SV2C: variants seen among roughly 807,000 people sequenced by gnomAD.
SV2C encodes the protein synaptic vesicle glycoprotein 2C, also known as solute carrier family 22 member B3.
A neutral mutation model predicts 79.7 loss-of-function variants in SV2C; 49 were observed. The observed-to-expected ratio is 0.61, with a 90% CI of 0.49 to 0.78. SV2C has a LOEUF of 0.78. SV2C is among the 30% of genes least tolerant of loss of function. SV2C has a pLI of 0.00. For synonymous variants in SV2C, 334 were observed against 333.2 expected (o/e 1.00, Z -0.03); for missense variants, 833 against 912.9 (o/e 0.91, Z 1.13).
chr5:75,952,916 C>T, the SV2C span, among the ~76,000 whole-genome samples: 3 of 152,010 alleles, frequency 2.0e-5, no homozygotes, highest in South Asian at 6.2e-4. Flanking sequence ...ACTTCTCCCT[C>T]CTAAGATCCA....
intron 4 of SV2C, among the ~76,000 whole-genome samples, chr5:76,233,564 T>G (rs1745507320): frequency 6.8e-6 from 1 of 147,734 alleles, no homozygotes; most frequent in African/African-American, 2.7e-5. Context: ...CAGTATGATA[T>G]TTGCTGTGGG....
chr5:75,939,844 C>T, the SV2C span, among the ~76,000 whole-genome samples: 1 of 152,160 alleles, frequency 6.6e-6, no homozygotes, highest in African/African-American at 2.4e-5. Context: ...CCTGTTCCTT[C>T]TACCTAGAAC....
At chr5:76,341,127 C>T (rs1397403678) in intron 12 of SV2C, among the ~76,000 whole-genome samples, 1 of 152,074 alleles carries the variant, frequency 6.6e-6, no homozygotes, top group Non-Finnish European at 1.5e-5. Flanking sequence ...GACGGGTTTT[C>T]ACCATGTTGG....
chr5:75,969,393 G>C, the SV2C span, among the ~76,000 whole-genome samples: 2 of 152,164 alleles, frequency 1.3e-5, no homozygotes, highest in African/African-American at 4.8e-5. Context: ...ATTGGATAGA[G>C]TCAAGACCCA....
intron 10 of SV2C, 45 bp from the exon 11 acceptor site, chr5:76,300,684 G>A: frequency 6.3e-7 from 1 of 1,585,954 alleles, no homozygotes; most frequent in Non-Finnish European, 8.7e-7. Context: ...ACTGGTGCAT[G>A]CCTGGTAAGA....
At chr5:75,993,707 G>A in the SV2C span, among the ~76,000 whole-genome samples, 17 of 151,984 alleles carry the variant, frequency 1.1e-4, no homozygotes, top group Non-Finnish European at 2.9e-5. Context: ...TTTCCTTCAG[G>A]GAGGAGATTG....
At chr5:76,042,043 C>T in the SV2C span, among the ~76,000 whole-genome samples, 1 of 152,186 alleles carries the variant, frequency 6.6e-6, no homozygotes, top group East Asian at 1.9e-4. Flanking sequence ...ACCTGTGTAG[C>T]CTGCCACCCG....
chr5:75,963,956 T>A, the SV2C span, among the ~76,000 whole-genome samples: 1 of 152,170 alleles, frequency 6.6e-6, no homozygotes, highest in African/African-American at 2.4e-5. Context: ...ATATTTTTAG[T>A]TTTCAGGAAG....
the SV2C span, among the ~76,000 whole-genome samples, chr5:75,857,442 TTC>T: frequency 6.6e-6 from 1 of 152,176 alleles, no homozygotes; most frequent in Non-Finnish European, 1.5e-5. Flanking sequence ...TATTTCTGGG[TTC>T]TCCATTCTGT....
the SV2C span, among the ~76,000 whole-genome samples, chr5:76,020,273 CTG>C: frequency 2.0e-5 from 3 of 151,842 alleles, no homozygotes; most frequent in African/African-American, 7.3e-5. Flanking sequence ...AGTGTAGAGT[CTG>C]TGTCAAATCC....
chr5:76,036,907 C>T, the SV2C span, among the ~76,000 whole-genome samples: 1,791 of 152,336 alleles, frequency 0.012, 41 homozygotes, highest in African/African-American at 0.041. Context: ...TTGGTCTTTT[C>T]ACACAGTCCC....
At chr5:76,114,584 C>T (rs551946813) in intron 1 of SV2C, among the ~76,000 whole-genome samples, 2 of 152,234 alleles carry the variant, frequency 1.3e-5, no homozygotes, top group Non-Finnish European at 2.9e-5. Flanking sequence ...CATTAAAACT[C>T]TGCAAGTATG....
chr5:76,223,491 A>ATATATATG (rs1745145926), intron 4 of SV2C, among the ~76,000 whole-genome samples: 16 of 37,442 alleles, frequency 4.3e-4, no homozygotes, highest in South Asian at 1.2e-3. Context: ...ATATATATAT[A>ATATATATG]TATATGTATA....
the SV2C span, among the ~76,000 whole-genome samples, chr5:76,010,033 C>G: frequency 7.9e-6 from 1 of 126,998 alleles, no homozygotes; most frequent in Non-Finnish European, 1.6e-5. Flanking sequence ...CTCCCACTAA[C>G]CTGCAAACTC....
intron 2 of SV2C, among the ~76,000 whole-genome samples, chr5:76,175,661 C>T (rs921061632): frequency 6.6e-6 from 1 of 152,198 alleles, no homozygotes; most frequent in African/African-American, 2.4e-5. Flanking sequence ...TTATCATCTA[C>T]AATTGTATGT....
intron 4 of SV2C, among the ~76,000 whole-genome samples, chr5:76,258,965 T>C (rs1249199485): frequency 2.0e-5 from 3 of 152,246 alleles, no homozygotes; most frequent in Admixed American, 6.5e-5. Flanking sequence ...GGTTGTTGCA[T>C]GTGTGGCTCT....
intron 4 of SV2C, among the ~76,000 whole-genome samples, chr5:76,211,443 G>A (rs1407412964): frequency 6.7e-6 from 1 of 150,062 alleles, no homozygotes; most frequent in Non-Finnish European, 1.5e-5. Flanking sequence ...TCAGGAAAGG[G>A]GAGAGAAGTG....
upstream of SV2C, chr5:76,079,112 G>T: frequency 2.8e-6 from 1 of 357,948 alleles, no homozygotes; most frequent in Non-Finnish European, 5.6e-6. Flanking sequence ...TCACCTTATT[G>T]GAACATTACA....
At chr5:75,854,399 A>G in the SV2C span, among the ~76,000 whole-genome samples, 1 of 152,154 alleles carries the variant, frequency 6.6e-6, no homozygotes, top group Non-Finnish European at 1.5e-5. Context: ...GAAATGTCTG[A>G]GTTGTATGGT....
Sources: gnomAD v4.1 joint callset for allele counts (sites outside exome capture counted in the v4.1 genomes callset) on GRCh38, gnomAD v4.1.1 for gene constraint, MANE v1.5 for transcripts, NCBI Gene and HGNC (gene_info 2026-07-23, HGNC 2026-07-21) for gene names.